DNAAF2: variants seen among roughly 807,000 people sequenced by gnomAD.
DNAAF2 encodes the protein protein kintoun.
A neutral mutation model predicts 48.8 loss-of-function variants in DNAAF2; 58 were observed. That is an observed-to-expected ratio of 1.19 (90% CI 0.96 to 1.48). The LOEUF is 1.48. Among genes scored for constraint, DNAAF2 ranks in the 40% most tolerant of loss-of-function variants. DNAAF2 has a pLI of 0.00. For missense variants in DNAAF2, 1,241 were observed against 1,116.1 expected (o/e 1.11, Z -1.59); for synonymous variants, 567 against 481.2 (o/e 1.18, Z -2.33).
chr14:49,626,748 C>G (rs1883017819), intron 2 of DNAAF2, among the ~76,000 whole-genome samples: 2 of 145,292 alleles, frequency 1.4e-5, no homozygotes, highest in South Asian at 2.2e-4. Flanking sequence ...AAATGATCCA[C>G]AAAGTGCTGG....
rs377255019 is a variant in DNAAF2, at chr14:49,628,006, C to T, written c.2007+6G>A. On this transcript the variant is annotated splice_donor_region_variant and intron_variant, in intron 2 of 2. Transcript: ENST00000298292. ...ACTCCTCTATAGAGCCCATCAACTT[C>T]CTTACCTTTGCATTAATTTGAATCT... 39 of 1,562,152 alleles carry T rather than the reference C, an allele frequency of 2.5e-5. No individual in the cohort carries two copies. In the African/African-American group the frequency reaches 4.8e-4, roughly 19 times the overall value.
In DNAAF2 at chr14:49,626,031, G is replaced by A. The variant is rs746442575; in HGVS notation, c.2025C>T (p.Asn675=). 2.0e-6 allele frequency: 3 copies of A among 1,497,448 alleles called. No individual in the cohort carries two copies. Among genetic ancestry groups the A allele is most frequent in the Non-Finnish European group, 2.7e-6 (3 of 1,126,554 alleles). The allele number at this position is 1,497,448 out of a possible 1,614,324, so 92.8% of individuals were successfully genotyped here. A position where few individuals can be genotyped will look rare whatever the true frequency, so the allele number is the denominator to read the frequency against. The change falls in exon 3 of 3, where the codon AAC becomes AAT. Residue 675 remains asparagine, a synonymous_variant. Transcript: ENST00000298292. ...CCTCCTTTCCTTGTAGCTGATCAGA[G>A]TTACTACATTCTTGCAACTGTGTCA... is the stretch of plus-strand genomic sequence containing the variant. ...QINAKLQECS[N]SDQLQGKEER... is the part of the protein sequence containing the mutation.
rs759580456 is a variant in DNAAF2 at position 49,634,746 on chromosome 14, C to T, written c.404G>A (p.Ser135Asn). 91 of 1,602,248 alleles carry T rather than the reference C, an allele frequency of 5.7e-5. No homozygotes were observed. The highest frequency in any genetic ancestry group is 7.4e-5 in the Non-Finnish European group (87 of 1,178,174). ...LAPGREYAGR[S>N]SSRYMVYDVV... is the part of the protein sequence containing the mutation. ...GTCGTAGACCATGTAGCGGCTGCTGCTGCGCCCCGCGTACTCGCGGCCGGG... is the reference window on the plus strand; with the variant it reads ...GTCGTAGACCATGTAGCGGCTGCTGTTGCGCCCCGCGTACTCGCGGCCGGG... The change falls in exon 1 of 3, where the codon AGC becomes AAC. Residue 135 changes from serine (S) to asparagine (N), a missense_variant. Ser to Asn is a conservative substitution (Grantham distance 46). Transcript: ENST00000298292.
rs1290720030 is a variant in DNAAF2, at chr14:49,634,974, A to AGCGCGGTGATC, written c.165_175dup (p.Leu59ArgfsTer5). 1.9e-6 allele frequency: 3 copies of AGCGCGGTGATC among 1,561,998 alleles called. No individual in the cohort carries two copies. In the African/African-American group the frequency reaches 4.1e-5, roughly 21 times the overall value. ...CACTTCCACCCCGCGCTCACGCTCT[A>AGCGCGGTGATC]GCGCGGTGATCTCCGCCTCGTAGCG... On this transcript the variant is annotated frameshift_variant, in exon 1 of 3. Transcript: ENST00000298292. LOFTEE classifies it high-confidence loss of function.
rs1060503179 is a variant in DNAAF2 at position 49,634,078 on chromosome 14, C to G, written c.1072G>C (p.Ala358Pro). ...GGCGCGGCGGCGGCGACGGCGACAG[C>G]GGGCTCCCGGCGCGCGGCCGGCAGC... is the stretch of plus-strand genomic sequence containing the variant. ...VVLPAARREP[A>P]VAVAAAAPEE... is the part of the protein sequence containing the mutation. Residue 358 changes from alanine (A) to proline (P), a missense_variant, in exon 1 of 3, where the codon GCT (alanine) becomes CCT (proline). Coordinates refer to ENST00000298292, the MANE Select transcript of DNAAF2 (RefSeq NM_018139.3). 1.3e-6 allele frequency: 2 copies of G among 1,536,194 alleles called. No individual in the cohort carries two copies. Among genetic ancestry groups the G allele is most frequent in the Non-Finnish European group, 1.7e-6 (2 of 1,142,920 alleles).
rs767295918 is a variant in DNAAF2 at position 49,633,579 on chromosome 14, G to A, written c.1571C>T (p.Pro524Leu). The change falls in exon 1 of 3, where the codon CCG (proline) becomes CTG (leucine). Residue 524 changes from proline (P) to leucine (L), a missense_variant. Coordinates refer to ENST00000298292, the MANE Select transcript of DNAAF2 (RefSeq NM_018139.3). ...TTCTTTGTCCTGATTACACAGTAACGGAGGACACAAAGGCTCCCCGCTCTT... is the reference window on the plus strand; with the variant it reads ...TTCTTTGTCCTGATTACACAGTAACAGAGGACACAAAGGCTCCCCGCTCTT... ...GTKSGEPLCP[P>L]LLCNQDKETL... 1 of 1,613,926 alleles carries A rather than the reference G, an allele frequency of 6.2e-7. No individual in the cohort carries two copies. The highest frequency in any genetic ancestry group is 8.5e-7 in the Non-Finnish European group (1 of 1,179,872).
At position 49,628,087 on chromosome 14, in the gene DNAAF2, T is replaced by C. The variant is rs748782316; in HGVS notation, c.1932A>G (p.Lys644=). The change falls in exon 2 of 3, where the codon AAA becomes AAG. Residue 644 remains lysine (K), a synonymous_variant. Transcript: ENST00000298292. ...FLEEVLSSPF[K]QSMSLTPPLI... ...ATGGTGGGGTCAAGGACATAGACTGTTTGAATGGAGAGCTCAGGACCTCTT... is the reference window on the plus strand; with the variant it reads ...ATGGTGGGGTCAAGGACATAGACTGCTTGAATGGAGAGCTCAGGACCTCTT... 40 of 1,589,478 alleles carry C rather than the reference T, an allele frequency of 2.5e-5. No homozygotes were observed. The highest frequency in any genetic ancestry group is 1.7e-4 in the Middle Eastern group (1 of 6,036).
In DNAAF2 at chr14:49,635,235, G is replaced by A; in HGVS notation, c.-86C>T. 1.4e-6 allele frequency: 2 copies of A among 1,396,326 alleles called. No individual in the cohort carries two copies. Among genetic ancestry groups the A allele is most frequent in the Non-Finnish European group, 2.0e-6 (2 of 1,013,194 alleles). The allele number at this position is 1,396,326 out of a possible 1,614,324, so 86.5% of individuals were successfully genotyped here. ...ATCCGCCTCAGAGTTTCTGGGCAGC[G>A]TACAGTGACGCGGTGGAGGTCGGTA... On this transcript the variant is annotated 5_prime_UTR_variant, in exon 1 of 3. In the 5' UTR this introduces an upstream ATG that the reference lacks. Transcript: ENST00000298292.
rs572958055 is a variant in DNAAF2 at position 49,625,256 on chromosome 14, A to C, written c.*286T>G. ...TATACATAGGTTGTATTAAAACTAAATGTTTTAACTCTCAAATGTTTTAAC... is the reference window on the plus strand; with the variant it reads ...TATACATAGGTTGTATTAAAACTAACTGTTTTAACTCTCAAATGTTTTAAC... On this transcript the variant is annotated 3_prime_UTR_variant, in exon 3 of 3. Coordinates refer to ENST00000298292, the MANE Select transcript of DNAAF2 (RefSeq NM_018139.3). 2 of 194,266 alleles carry C rather than the reference A, an allele frequency of 1.0e-5. No individual in the cohort carries two copies. Among genetic ancestry groups the C allele is most frequent in the Middle Eastern group, 2.1e-3 (1 of 478 alleles). 12.0% of individuals were successfully genotyped at this position (194,266 alleles called of 1,614,324 possible).
At position 49,625,494 on chromosome 14, in the gene DNAAF2, AC is replaced by A. The variant is rs1296779105; in HGVS notation, c.*47del. On this transcript the variant is annotated 3_prime_UTR_variant, in exon 3 of 3. Transcript: ENST00000298292. ...ACAGTTAACAGAATCAATTTTAGAT[AC>A]AGGTATTTTTTAACCTTAATATTTA... is the stretch of plus-strand genomic sequence containing the variant. The A allele has an allele frequency of 4.8e-6, 6 of 1,244,344 alleles. No homozygotes were observed. The highest frequency in any genetic ancestry group is 6.4e-6 in the Non-Finnish European group (6 of 943,758). 77.1% of individuals were successfully genotyped at this position (1,244,344 alleles called of 1,614,324 possible).
rs1298514705 is a variant in DNAAF2 at position 49,625,597 on chromosome 14, T to C, written c.2459A>G (p.His820Arg). 1 of 1,610,266 alleles carries C rather than the reference T, an allele frequency of 6.2e-7. No homozygotes were observed. The highest frequency in any genetic ancestry group is 1.3e-5 in the African/African-American group (1 of 74,960). Residue 820 changes from histidine to arginine, a missense_variant, in exon 3 of 3, where the codon CAT becomes CGT. By Grantham distance (29) the His-to-Arg change is conservative. Coordinates refer to ENST00000298292, the MANE Select transcript of DNAAF2 (RefSeq NM_018139.3). ...AAAACTGAATGCACAATTGGTCACA[T>C]GATCTTTAATGACCTGCACACTACC... Reference protein sequence around the residue: ...QDGSVQVIKDHVTNCAFSFQN... With the variant: ...QDGSVQVIKDRVTNCAFSFQN...
chr14:49,634,567 T>C lies in DNAAF2; in HGVS notation c.583A>G (p.Thr195Ala). 1 of 1,604,412 alleles carries C rather than the reference T, an allele frequency of 6.2e-7. No homozygotes were observed. The highest frequency in any genetic ancestry group is 1.1e-5 in the South Asian group (1 of 91,076). The change falls in exon 1 of 3, where the codon ACC (threonine) becomes GCC (alanine). Residue 195 changes from threonine (T) to alanine (A), a missense_variant. By Grantham distance (58) the Thr-to-Ala change is moderately conservative (BLOSUM62 0). Coordinates refer to ENST00000298292, the MANE Select transcript of DNAAF2 (RefSeq NM_018139.3). ...GTGCGCAGCACCGCAGCCTCTGGGG[T>C]CCCCTTATACTTGGCCTTCAGGGTC... ...AKTLKAKYKG[T>A]PEAAVLRTPL...
chr14:49,625,530 A>AAT lies in DNAAF2; in HGVS notation c.*10_*11dup. On this transcript the variant is annotated 3_prime_UTR_variant, in exon 3 of 3. Coordinates refer to ENST00000298292, the MANE Select transcript of DNAAF2 (RefSeq NM_018139.3). ...TTAACCTTAATATTTAAAAGTCCAAAATTATATAGAATTAATCCAAATCAT... is the reference window on the plus strand; with the variant it reads ...TTAACCTTAATATTTAAAAGTCCAAAATATTATATAGAATTAATCCAAATCAT... 6.7e-7 allele frequency: 1 copy of AAT among 1,494,978 alleles called. No homozygotes were observed. Among genetic ancestry groups the AAT allele is most frequent in the Middle Eastern group, 1.8e-4 (1 of 5,608 alleles). 92.6% of individuals were successfully genotyped at this position (1,494,978 alleles called of 1,614,324 possible).
Position 49,634,040 on chromosome 14 carries a change from C to G in DNAAF2, c.1110G>C (p.Ala370=), listed in dbSNP as rs886038643. 9.9e-6 allele frequency: 15 copies of G among 1,519,566 alleles called. No homozygotes were observed. Among genetic ancestry groups the G allele is most frequent in the Admixed American group, 2.1e-5 (1 of 47,694 alleles). 94.1% of individuals were successfully genotyped at this position (1,519,566 alleles called of 1,614,324 possible). A position where few individuals can be genotyped will look rare whatever the true frequency, so the allele number is the denominator to read the frequency against. The stretch of plus-strand genomic sequence containing the variant: ...CCTGGCCGTCAGTTCCGGACCGGTC[C>G]GCGGACTCTTCCGGCGCGGCGGCGG... ...AVAAAAPEES[A]DRSGTDGQAC... Residue 370 remains alanine, a synonymous_variant, in exon 1 of 3, where the codon GCG becomes GCC. Transcript: ENST00000298292.
chr14:49,634,389 C>T lies in DNAAF2; in HGVS notation c.761G>A (p.Arg254His). The change falls in exon 1 of 3, where the codon CGC (arginine) becomes CAC (histidine). Residue 254 changes from arginine (R) to histidine (H), a missense_variant. Transcript: ENST00000298292. ...GTGGTGGCGCTGCACCACGCTGTAG[C>T]GAGGCTCGGTGGGGGCGGGCTGCAA... Reference protein sequence around the residue: ...AALQPAPTEPRYSVVQRHHVD... With the variant: ...AALQPAPTEPHYSVVQRHHVD... 3 of 1,593,296 alleles carry T rather than the reference C, an allele frequency of 1.9e-6. No individual in the cohort carries two copies. Among genetic ancestry groups the T allele is most frequent in the South Asian group, 2.2e-5 (2 of 90,250 alleles).
chr14:49,628,098 A>C lies in DNAAF2; in HGVS notation c.1921T>G (p.Ser641Ala), dbSNP rs1168897132. The stretch of plus-strand genomic sequence containing the variant: ...AAGGACATAGACTGTTTGAATGGAG[A>C]GCTCAGGACCTCTTCAAGAAACTCA... ...VNEFLEEVLS[S>A]PFKQSMSLTP... Residue 641 changes from serine to alanine, a missense_variant, in exon 2 of 3, where the codon TCT becomes GCT. Coordinates refer to ENST00000298292, the MANE Select transcript of DNAAF2 (RefSeq NM_018139.3). 6.3e-7 allele frequency: 1 copy of C among 1,591,744 alleles called. No individual in the cohort carries two copies. The highest frequency in any genetic ancestry group is 1.3e-5 in the African/African-American group (1 of 74,554).
At chr14:49,630,669 C>CACA (rs1555327684) in intron 1 of DNAAF2, among the ~76,000 whole-genome samples, 15 of 132,562 alleles carry the variant, frequency 1.1e-4, no homozygotes, top group African/African-American at 3.9e-4. Flanking sequence ...AACTCTCTCT[C>CACA]CACACACACA....
At chr14:49,628,556 G>C (rs927449136) in intron 1 of DNAAF2, among the ~76,000 whole-genome samples, 2 of 152,118 alleles carry the variant, frequency 1.3e-5, no homozygotes, top group Non-Finnish European at 2.9e-5. Flanking sequence ...CCAGGTTCAA[G>C]CAATTCTCCT....
At chr14:49,632,447 C>CTT (rs3029726) in intron 1 of DNAAF2, among the ~76,000 whole-genome samples, 1 of 147,076 alleles carries the variant, frequency 6.8e-6, no homozygotes, top group African/African-American at 2.5e-5. Context: ...CTTAATTTTT[C>CTT]TTTTTTTTTT....
Sources: gnomAD v4.1 joint callset for allele counts (sites outside exome capture counted in the v4.1 genomes callset) on GRCh38, gnomAD v4.1.1 for gene constraint, MANE v1.5 for transcripts, NCBI Gene and HGNC (gene_info 2026-07-23, HGNC 2026-07-21) for gene names.